The following MACROD2 variants were observed in gnomAD, a reference collection of about 807,000 sequenced individuals.
The protein encoded by MACROD2 is mono-ADP ribosylhydrolase 2, also known as ADP-ribose glycohydrolase MACROD2.
MACROD2 carries 36 observed loss-of-function variants against 70.4 expected under a neutral mutation model. The observed-to-expected ratio is 0.51, with a 90% CI of 0.39 to 0.68. The LOEUF is 0.68. MACROD2 is among the 30% of genes least tolerant of loss of function. MACROD2 has a pLI of 0.00. For synonymous variants in MACROD2, 172 were observed against 178.8 expected (o/e 0.96, Z 0.30); for missense variants, 496 against 538.4 (o/e 0.92, Z 0.78).
At chr20:14,437,043 G>A (rs1021595798) in intron 3 of MACROD2, among the ~76,000 whole-genome samples, 2 of 152,104 alleles carry the variant, frequency 1.3e-5, no homozygotes, top group African/African-American at 2.4e-5. Context: ...CAGGACCCAA[G>A]GTTTAAAATT....
chr20:15,775,303 A>G (rs1323342045), intron 8 of MACROD2, among the ~76,000 whole-genome samples: 2 of 152,120 alleles, frequency 1.3e-5, no homozygotes, highest in African/African-American at 4.8e-5. Context: ...AGGTGAAGCC[A>G]AGGTCGCAAA....
chr20:14,101,993 CTTTTT>C (rs66890047), intron 3 of MACROD2, among the ~76,000 whole-genome samples: 2 of 25,050 alleles, frequency 8.0e-5, no homozygotes, highest in African/African-American at 1.6e-4. Context: ...TTTAATGAGT[CTTTTT>C]TTTTTTTTTT....
chr20:15,164,548 C>T (rs76660344), intron 5 of MACROD2, among the ~76,000 whole-genome samples: 25,538 of 152,078 alleles, frequency 0.17, 2,915 homozygotes, highest in Non-Finnish European at 0.26. Flanking sequence ...TTTAATTTTA[C>T]ATGCTATATT....
At chr20:14,541,758 G>T (rs2085436206) in intron 4 of MACROD2, among the ~76,000 whole-genome samples, 1 of 151,972 alleles carries the variant, frequency 6.6e-6, no homozygotes, top group Non-Finnish European at 1.5e-5. Flanking sequence ...TTTACTTTTG[G>T]TTTTTATGTT....
chr20:14,756,777 A>G (rs1030548174), intron 5 of MACROD2, among the ~76,000 whole-genome samples: 5 of 152,172 alleles, frequency 3.3e-5, no homozygotes, highest in Non-Finnish European at 7.3e-5. Flanking sequence ...GTCCCCACTC[A>G]GATATCACCT....
intron 8 of MACROD2, among the ~76,000 whole-genome samples, chr20:15,566,191 C>T (rs749930202): frequency 9.9e-5 from 15 of 152,192 alleles, no homozygotes; most frequent in Non-Finnish European, 1.8e-4. Context: ...ATTAGAAATA[C>T]AATCCCCAGA....
At chr20:14,770,443 T>C (rs2072150218) in intron 5 of MACROD2, among the ~76,000 whole-genome samples, 2 of 152,204 alleles carry the variant, frequency 1.3e-5, no homozygotes, top group African/African-American at 2.4e-5. Context: ...TCTTAAAATA[T>C]AAGTATAAAA....
chr20:16,041,848 A>G (rs904482575), intron 16 of MACROD2, among the ~76,000 whole-genome samples: 7 of 152,040 alleles, frequency 4.6e-5, no homozygotes, highest in African/African-American at 1.7e-4. Context: ...CCTCAGGAAT[A>G]TTAATATCCC....
chr20:15,936,466 A>C (rs1032872405), intron 11 of MACROD2, among the ~76,000 whole-genome samples: 2 of 148,158 alleles, frequency 1.3e-5, no homozygotes, highest in African/African-American at 4.9e-5. Flanking sequence ...ATACTCTATA[A>C]TTTATATATA....
At position 15,304,636 on chromosome 20, in the gene MACROD2, A is replaced by C. The variant is rs78715407; in HGVS notation, c.540+74575A>C. ...CCAGTGGCGTTATCAGCACCAGCTC[A>C]TATTCCTTTCCTTATTTGGAAAAGG... is the stretch of plus-strand genomic sequence containing the variant. On this transcript the variant is annotated intron_variant, in intron 6 of 17. Coordinates refer to ENST00000684519, the MANE Select transcript of MACROD2 (RefSeq NM_001351661.2). Among the ~76,000 whole-genome samples the C allele has an allele frequency of 4.2e-3, 646 of 152,280 alleles. 4 individuals carry two copies. The highest frequency in any genetic ancestry group is 0.019 in the South Asian group (94 of 4,834).
At chr20:14,623,646 GA>G (rs201942852) in intron 4 of MACROD2, among the ~76,000 whole-genome samples, 3,578 of 152,166 alleles carry the variant, frequency 0.024, 63 homozygotes, top group Admixed American at 0.037. Flanking sequence ...GGAGGACCTG[GA>G]GCCAAACAGA....
At chr20:16,012,682 A>C (rs2066878923) in intron 15 of MACROD2, among the ~76,000 whole-genome samples, 1 of 152,226 alleles carries the variant, frequency 6.6e-6, no homozygotes, top group African/African-American at 2.4e-5. Context: ...TTATCATACA[A>C]ATGCTTAGTT....
chr20:14,377,079 C>A (rs2083379074), intron 3 of MACROD2, among the ~76,000 whole-genome samples: 2 of 152,138 alleles, frequency 1.3e-5, no homozygotes, highest in South Asian at 2.1e-4. Context: ...GCAAGTCACT[C>A]CTAGCCTTTT....
At chr20:14,553,336 A>T (rs1427540234) in intron 4 of MACROD2, among the ~76,000 whole-genome samples, 1 of 151,308 alleles carries the variant, frequency 6.6e-6, no homozygotes, top group Non-Finnish European at 1.5e-5. Context: ...TGGAACTGTC[A>T]TCTCCTATGA....
chr20:14,606,335 A>G (rs941846787), intron 4 of MACROD2, among the ~76,000 whole-genome samples: 5 of 152,276 alleles, frequency 3.3e-5, no homozygotes, highest in African/African-American at 1.2e-4. Flanking sequence ...AAATTGAGAT[A>G]AGAAGACCAT....
At chr20:15,233,488 A>C (rs1329822017) in intron 6 of MACROD2, among the ~76,000 whole-genome samples, 3 of 152,168 alleles carry the variant, frequency 2.0e-5, no homozygotes, top group Non-Finnish European at 2.9e-5. Context: ...ATAGTCATAC[A>C]TAATTATTTA....
chr20:14,019,646 A>C (rs1211522740), intron 2 of MACROD2, among the ~76,000 whole-genome samples: 1 of 151,894 alleles, frequency 6.6e-6, no homozygotes, highest in African/African-American at 2.4e-5. Flanking sequence ...GTTCGGGATG[A>C]AATATAGGGG....
chr20:14,941,175 G>A (rs1244756372), intron 5 of MACROD2, among the ~76,000 whole-genome samples: 1 of 151,908 alleles, frequency 6.6e-6, no homozygotes, highest in Non-Finnish European at 1.5e-5. Context: ...AATTTGTTGG[G>A]GTATAGTTTG....
In MACROD2 at chr20:14,930,849, G is replaced by A. The variant is rs1417375927; in HGVS notation, c.418+245890G>A. ...TTTAAGTAATTTTTTTTTAATTATG[G>A]CAATTTTTTTAAGTAAAAAAAAAAA... On this transcript the variant is annotated intron_variant, in intron 5 of 17. Coordinates refer to ENST00000684519, the MANE Select transcript of MACROD2 (RefSeq NM_001351661.2). 6.1e-5 allele frequency among the ~76,000 whole-genome samples: 8 copies of A among 131,120 alleles called. No homozygotes were observed. In the Admixed American group the frequency reaches 6.8e-4, roughly 11 times the overall value. 86.0% of individuals were successfully genotyped at this position (131,120 alleles called of 152,430 possible).
Sources: allele counts gnomAD v4.1 joint callset (sites outside exome capture counted in the v4.1 genomes callset), GRCh38; gene constraint gnomAD v4.1.1; transcripts MANE v1.5; gene names NCBI Gene and HGNC (gene_info 2026-07-23, HGNC 2026-07-21).